The following MAST2 variants were observed in gnomAD, a reference collection of about 807,000 sequenced individuals.
MAST2 encodes microtubule-associated serine/threonine-protein kinase 2.
Under a neutral mutation model 147.4 loss-of-function variants are expected in MAST2, and 70 were observed. That is an observed-to-expected ratio of 0.47 (90% CI 0.39 to 0.58). The LOEUF is 0.58. MAST2 is among the 20% of genes least tolerant of loss of function. The pLI, the probability that MAST2 is intolerant of heterozygous loss-of-function variation, is 0.00. For synonymous variants in MAST2, 869 were observed against 896.8 expected, an observed-to-expected ratio of 0.97 and a Z score of 0.55; for missense variants, 2,080 against 2,302.3, an observed-to-expected ratio of 0.90 and a Z score of 1.98.
Position 46,035,626 on chromosome 1 carries a change from C to T in MAST2, c.4957C>T (p.Leu1653=). 1 of 1,613,946 alleles carries T rather than the reference C, an allele frequency of 6.2e-7. No individual in the cohort carries two copies. The highest frequency in any genetic ancestry group is 8.5e-7 in the Non-Finnish European group (1 of 1,180,014). The part of the protein sequence containing the change: ...CSPPSSTSGK[L]SMWSWKSLIE... ...TCCTCCCAGCTCCACCTCTGGGAAG[C>T]TGAGCATGTGGTCCTGGAAATCCCT... The change falls in exon 29 of 29, where the codon CTG becomes TTG. Residue 1653 remains leucine (L), a synonymous_variant. Coordinates refer to ENST00000361297, the MANE Select transcript of MAST2 (RefSeq NM_015112.3). The surrounding 1 kb of genome is among the most constrained non-coding windows in gnomAD (Gnocchi z 5.5).
chr1:46,030,819 A>G, intron 22 of MAST2, 58 bp downstream of exon 22: 2 of 1,500,348 alleles, frequency 1.3e-6, no homozygotes, highest in Non-Finnish European at 1.8e-6. Context: ...ATTGTCACAG[A>G]TCATGGGAGA....
intron 2 of MAST2, among the ~76,000 whole-genome samples, chr1:45,828,602 G>T (rs1021639622): frequency 6.6e-6 from 1 of 152,192 alleles, no homozygotes; most frequent in Non-Finnish European, 1.5e-5. Flanking sequence ...GGAAGAAGGG[G>T]AGAAATGAGA....
At chr1:45,939,989 T>TTTGTTTTTTTTTTGTTTTTTTTG (rs1553239188) in intron 4 of MAST2, among the ~76,000 whole-genome samples, 2 of 128,882 alleles carry the variant, frequency 1.6e-5, no homozygotes, top group African/African-American at 5.9e-5. Context: ...GGTTTTTTTT[T>TTTGTTTTTTTTTTGTTTTTTTTG]TTTTTTTTTT....
chr1:45,988,799 A>G (rs180683402), intron 5 of MAST2, among the ~76,000 whole-genome samples: 1 of 152,066 alleles, frequency 6.6e-6, no homozygotes, highest in Admixed American at 6.6e-5. Context: ...TCCCCCCTTG[A>G]CTTAGATCAA....
chr1:45,812,568 A>G (rs915558186), intron 1 of MAST2, among the ~76,000 whole-genome samples: 2 of 152,000 alleles, frequency 1.3e-5, no homozygotes, highest in Non-Finnish European at 2.9e-5. Flanking sequence ...CTGGGATTAC[A>G]GGCATGTGCC....
chr1:45,817,395 C>G (rs1168378270), intron 1 of MAST2, among the ~76,000 whole-genome samples: 5 of 152,070 alleles, frequency 3.3e-5, no homozygotes, highest in African/African-American at 1.2e-4. Context: ...TCAGTGGAAA[C>G]CCCTTACAGG....
chr1:45,809,151 T>A (rs1217432063), intron 1 of MAST2, among the ~76,000 whole-genome samples: 1 of 152,230 alleles, frequency 6.6e-6, no homozygotes, highest in Non-Finnish European at 1.5e-5. Context: ...AATGAATTCC[T>A]CTGAGGCTGT....
intron 4 of MAST2, chr1:45,917,288 T>C: frequency 7.9e-7 from 1 of 1,259,932 alleles, no homozygotes; most frequent in Non-Finnish European, 1.1e-6. Flanking sequence ...TTCTTTTTGG[T>C]TGAAAAGTTA....
intron 3 of MAST2, among the ~76,000 whole-genome samples, chr1:45,872,142 C>G (rs887253912): frequency 1.3e-5 from 2 of 152,224 alleles, no homozygotes; most frequent in African/African-American, 4.8e-5. Context: ...TAATTTCCTT[C>G]TCTGGAAAGA....
intron 4 of MAST2, among the ~76,000 whole-genome samples, chr1:45,947,250 T>G (rs942530755): frequency 7.2e-6 from 1 of 138,754 alleles, no homozygotes; most frequent in Admixed American, 7.8e-5. Flanking sequence ...CTCTGCCACA[T>G]AGGAAGAATT....
chr1:45,808,387 T>G (rs1644200454), intron 1 of MAST2, among the ~76,000 whole-genome samples: 1 of 152,254 alleles, frequency 6.6e-6, no homozygotes, highest in Non-Finnish European at 1.5e-5. Context: ...TTTTTTGTAT[T>G]TAGTAGAGAT....
chr1:45,980,199 C>T (rs61785613), intron 5 of MAST2, among the ~76,000 whole-genome samples: 51,065 of 147,798 alleles, frequency 0.35, 9,037 homozygotes, highest in African/African-American at 0.45. Flanking sequence ...GCAGGAGAGT[C>T]GCTTGAACCC....
intron 2 of MAST2, among the ~76,000 whole-genome samples, chr1:45,825,675 C>T (rs905480206): frequency 3.3e-5 from 5 of 151,862 alleles, no homozygotes; most frequent in East Asian, 3.9e-4. Flanking sequence ...TCAGGTGATC[C>T]GCCTGCCTTG....
intron 5 of MAST2, among the ~76,000 whole-genome samples, chr1:45,980,722 G>A (rs1378074498): frequency 6.6e-6 from 1 of 151,972 alleles, no homozygotes; most frequent in African/African-American, 2.4e-5. Flanking sequence ...TTTTTGTAGA[G>A]ACAAAGTCTC....
intron 6 of MAST2, among the ~76,000 whole-genome samples, chr1:46,000,371 G>A (rs944049036): frequency 8.5e-5 from 13 of 152,082 alleles, no homozygotes; most frequent in Non-Finnish European, 1.6e-4. Flanking sequence ...ACCTCCACTG[G>A]GTGGCTATGT....
intron 10 of MAST2, among the ~76,000 whole-genome samples, chr1:46,013,585 CAGG>C (rs989578126): frequency 5.9e-5 from 9 of 151,712 alleles, no homozygotes; most frequent in African/African-American, 2.2e-4. Flanking sequence ...GAGGCTGAGG[CAGG>C]AGAATCGCTT....
chr1:46,036,021 T>G lies in MAST2; in HGVS notation c.5352T>G (p.His1784Gln). ...AAGAACCAGGGGGCCATCAAAAGCA[T>G]CGGGATTTGGCATTGGTTCCAGATG... ...RGQEPGGHQK[H>Q]RDLALVPDEL... is the part of the protein sequence containing the mutation. The change falls in exon 29 of 29, where the codon CAT becomes CAG. Residue 1784 changes from histidine to glutamine, a missense_variant. By Grantham distance (24) the His-to-Gln change is conservative. This residue lies in a region of MAST2 where 1,278 missense variants were observed against 1,304.2 expected (regional missense o/e 0.98). Transcript: ENST00000361297. 6.2e-7 allele frequency: 1 copy of G among 1,613,204 alleles called. No homozygotes were observed. The highest frequency in any genetic ancestry group is 1.3e-5 in the African/African-American group (1 of 75,016).
intron 1 of MAST2, among the ~76,000 whole-genome samples, chr1:45,808,509 C>G (rs887004167): frequency 6.6e-6 from 1 of 152,152 alleles, no homozygotes; most frequent in Non-Finnish European, 1.5e-5. Context: ...GTGCCTGGCC[C>G]ACATCTGTAG....
intron 5 of MAST2, among the ~76,000 whole-genome samples, chr1:45,987,777 A>G (rs201142493): frequency 5.5e-3 from 121 of 21,804 alleles, no homozygotes; most frequent in East Asian, 8.5e-3. Flanking sequence ...TTTTTTTTTG[A>G]TTTTTTTTTT....
Sources: gnomAD v4.1 joint callset for allele counts (sites outside exome capture counted in the v4.1 genomes callset) on GRCh38, gnomAD v4.1.1 for gene constraint, gnomAD v4.1.1 regional missense constraint, Gnocchi (gnomAD v3.1) non-coding constraint, MANE v1.5 for transcripts, NCBI Gene and HGNC (gene_info 2026-07-23, HGNC 2026-07-21) for gene names.